The following LRGUK variants were observed in gnomAD, a reference collection of about 807,000 sequenced individuals.
LRGUK encodes leucine rich repeats and guanylate kinase domain containing.
LRGUK carries 65 observed loss-of-function variants against 76.0 expected under a neutral mutation model. The ratio of observed to expected loss-of-function variants is 0.85; its 90% confidence interval spans 0.70 to 1.05. The LOEUF (loss-of-function observed/expected upper bound fraction) is 1.05. Among genes scored for constraint, LRGUK ranks in the 50% least tolerant of loss-of-function variants. The pLI, the probability that LRGUK is intolerant of heterozygous loss-of-function variation, is 0.00. For synonymous variants in LRGUK, 268 were observed against 265.6 expected (o/e 1.01, Z -0.09); for missense variants, 758 against 732.8 (o/e 1.03, Z -0.40).
At chr7:134,206,655 A>G (rs1462162157) in intron 15 of LRGUK, among the ~76,000 whole-genome samples, 1 of 152,000 alleles carries the variant, frequency 6.6e-6, no homozygotes, top group Admixed American at 6.6e-5. Flanking sequence ...CTAATACCCG[A>G]AGGCTTAAAA....
downstream of LRGUK, among the ~76,000 whole-genome samples, chr7:134,268,691 C>T (rs540213989): frequency 6.9e-6 from 1 of 144,876 alleles, no homozygotes; most frequent in South Asian, 2.2e-4. Flanking sequence ...AACTACAAAC[C>T]AATATCACTT....
At chr7:134,249,232 A>T (rs923609131) in intron 18 of LRGUK, among the ~76,000 whole-genome samples, 156 bp downstream of exon 18, 2 of 152,116 alleles carry the variant, frequency 1.3e-5, no homozygotes, top group Non-Finnish European at 2.9e-5. Context: ...CTGCCCCTCT[A>T]TGGAGGGCCC....
chr7:134,275,117 A>G, the LRGUK span, among the ~76,000 whole-genome samples: 1 of 152,048 alleles, frequency 6.6e-6, no homozygotes, highest in Non-Finnish European at 1.5e-5. Flanking sequence ...ATATCATGGT[A>G]TTTAATTTTT....
At position 134,263,941 on chromosome 7, in the gene LRGUK, C is replaced by T. The variant is rs1802806356; in HGVS notation, c.2444C>T (p.Pro815Leu). The T allele has an allele frequency of 7.4e-6, 12 of 1,612,600 alleles. No individual in the cohort carries two copies. The Middle Eastern group carries it at 6.6e-4, about 89-fold the overall frequency. The change falls in exon 20 of 20, where the codon CCC (proline) becomes CTC (leucine). Residue 815 changes from proline to leucine, a missense_variant. Physicochemically the swap from Pro to Leu is moderately conservative, Grantham distance 98. Transcript: ENST00000285928. ...AGTCGCCCAGGTTCCAACGTCAAAC[C>T]CACCCTCCCTCCAATCCCTCAGGGC...
intron 5 of LRGUK, among the ~76,000 whole-genome samples, chr7:134,155,500 G>C (rs1387365556): frequency 2.0e-5 from 3 of 152,142 alleles, no homozygotes. Flanking sequence ...GAAAACCCAA[G>C]AATTTCTGGT....
downstream of LRGUK, among the ~76,000 whole-genome samples, chr7:134,266,768 C>T (rs1035430196): frequency 4.6e-5 from 7 of 152,000 alleles, no homozygotes; most frequent in Non-Finnish European, 8.8e-5. Flanking sequence ...CTAAATTTGG[C>T]AAAAGCCAAA....
chr7:134,231,780 G>A (rs532077606), intron 16 of LRGUK, among the ~76,000 whole-genome samples: 9 of 105,988 alleles, frequency 8.5e-5, no homozygotes, highest in Admixed American at 3.2e-4. Flanking sequence ...TCCTCCGTCC[G>A]TCCCTCCCTT....
chr7:134,145,196 G>A (rs948128015), intron 4 of LRGUK, among the ~76,000 whole-genome samples: 2 of 152,108 alleles, frequency 1.3e-5, no homozygotes, highest in South Asian at 2.1e-4. Context: ...TGAGCTCTGT[G>A]TAGACCTGGG....
At chr7:134,148,293 A>G (rs1798063615) in exon 5 of LRGUK, 1 of 1,598,830 alleles carries the variant, frequency 6.3e-7, no homozygotes. Flanking sequence ...TCAGCGTATC[A>G]TGCTCTCACT....
intron 1 of LRGUK, 82 bp downstream of exon 1, chr7:134,127,746 C>G: frequency 1.4e-6 from 2 of 1,469,790 alleles, no homozygotes; most frequent in Non-Finnish European, 1.8e-6. Context: ...GATGCACCCC[C>G]ACCAGCCCGA....
In LRGUK at chr7:134,135,817, G is replaced by A. The variant is rs151085939; in HGVS notation, c.298-1206G>A. Among the ~76,000 whole-genome samples, 1,333 of 152,242 alleles carry A rather than the reference G, an allele frequency of 8.8e-3. 15 individuals are homozygous for A. Among genetic ancestry groups the A allele is most frequent in the African/African-American group, 0.03 (1,256 of 41,530 alleles). On this transcript the variant is annotated intron_variant, in intron 1 of 15. Coordinates refer to ENST00000645682, the Ensembl canonical transcript of LRGUK. ...ACTCCAGGCGCCCGCCACCACATCC[G>A]GCTAATTTTTTTGTATTTTTAGTAG...
At chr7:134,163,672 A>G in intron 7 of LRGUK, 132 bp downstream of exon 7, 1 of 761,176 alleles carries the variant, frequency 1.3e-6, no homozygotes, top group Non-Finnish European at 1.9e-6. Flanking sequence ...ATATTGTTCT[A>G]GCAAAATTCC....
chr7:134,149,024 T>C (rs140176709), intron 5 of LRGUK, among the ~76,000 whole-genome samples: 2,675 of 152,196 alleles, frequency 0.018, 58 homozygotes, highest in African/African-American at 0.048. Flanking sequence ...AAATTAGTGA[T>C]TCTTTATTTT....
chr7:134,199,178 A>G, intron 13 of LRGUK, 42 bp from the exon 14 acceptor site: 1 of 1,531,402 alleles, frequency 6.5e-7, no homozygotes, highest in Non-Finnish European at 9.0e-7. Flanking sequence ...TTTCTAAATC[A>G]TGTATCTGTT....
At chr7:134,184,502 C>T (rs1305692335) in intron 11 of LRGUK, among the ~76,000 whole-genome samples, 1 of 152,004 alleles carries the variant, frequency 6.6e-6, no homozygotes, top group African/African-American at 2.4e-5. Flanking sequence ...ATCTCCTGAC[C>T]TCATGATCCT....
downstream of LRGUK, among the ~76,000 whole-genome samples, chr7:134,215,049 C>T (rs879407619): frequency 6.6e-6 from 1 of 152,094 alleles, no homozygotes; most frequent in Non-Finnish European, 1.5e-5. Flanking sequence ...CAGCTGACTC[C>T]ATTTGCTTGT....
intron 16 of LRGUK, among the ~76,000 whole-genome samples, chr7:134,239,366 C>A (rs1232405473): frequency 6.6e-6 from 1 of 152,206 alleles, no homozygotes; most frequent in Non-Finnish European, 1.5e-5. Flanking sequence ...CTGCACTTTT[C>A]CAACGGCCTT....
At chr7:134,140,591 T>G (rs1380033278) in intron 3 of LRGUK, among the ~76,000 whole-genome samples, 2 of 152,194 alleles carry the variant, frequency 1.3e-5, no homozygotes, top group African/African-American at 4.8e-5. Context: ...CTGACCTGCT[T>G]TCTTCACTGA....
chr7:134,130,840 T>G (rs1272434248), intron 1 of LRGUK, among the ~76,000 whole-genome samples: 3 of 152,236 alleles, frequency 2.0e-5, no homozygotes, highest in Non-Finnish European at 4.4e-5. Flanking sequence ...TGATTTAGCC[T>G]TTTGTCAGTT....
Sources: allele counts gnomAD v4.1 joint callset (sites outside exome capture counted in the v4.1 genomes callset), GRCh38; gene constraint gnomAD v4.1.1; transcripts MANE v1.5; gene names NCBI Gene and HGNC (gene_info 2026-07-23, HGNC 2026-07-21).